The following TFAP4 variants were observed in gnomAD, a reference collection of about 807,000 sequenced individuals.
TFAP4 encodes the protein activating enhancer-binding protein 4.
TFAP4 carries 7 observed loss-of-function variants against 40.4 expected under a neutral mutation model. The observed-to-expected ratio is 0.17, with a 90% CI of 0.10 to 0.33. The LOEUF (loss-of-function observed/expected upper bound fraction) is 0.33, where lower values mean the gene tolerates loss of function less well. Ranked by LOEUF, TFAP4 falls within the 10% of genes least tolerant of loss-of-function variation. TFAP4 has a pLI of 1.00. For missense variants in TFAP4, 374 were observed against 451.1 expected (o/e 0.83, Z 1.55); for synonymous variants, 218 against 181.4 (o/e 1.20, Z -1.62).
intron 1 of TFAP4, chr16:4,266,676 C>G (rs118160344): frequency 6.6e-6 from 1 of 152,204 alleles, no homozygotes; most frequent in African/African-American, 2.4e-5. Context: ...CCAGGTGATA[C>G]TGCACTGAAT....
chr16:4,271,890 A>C (rs1180634089), intron 1 of TFAP4, among the ~76,000 whole-genome samples: 1 of 152,100 alleles, frequency 6.6e-6, no homozygotes, highest in African/African-American at 2.4e-5. Flanking sequence ...AAATCCCACA[A>C]TGCTGCACCA....
intron 1 of TFAP4, among the ~76,000 whole-genome samples, chr16:4,269,984 C>T (rs551412526): frequency 5.1e-4 from 78 of 152,154 alleles, no homozygotes; most frequent in African/African-American, 1.8e-3. Flanking sequence ...GGTTCGAGAC[C>T]AGCCTGGCCA....
intron 1 of TFAP4, among the ~76,000 whole-genome samples, chr16:4,270,872 C>A (rs1007563626): frequency 6.6e-6 from 1 of 152,200 alleles, no homozygotes; most frequent in Non-Finnish European, 1.5e-5. Flanking sequence ...GCAGCAGCAA[C>A]CCCAGGACAA....
At chr16:4,271,691 CA>C (rs2053041932) in intron 1 of TFAP4, among the ~76,000 whole-genome samples, 1 of 152,140 alleles carries the variant, frequency 6.6e-6, no homozygotes, top group Non-Finnish European at 1.5e-5. Context: ...CGGTTTACGG[CA>C]GGGGGGAGGG....
chr16:4,259,756 A>G (rs957935829), intron 6 of TFAP4, among the ~76,000 whole-genome samples: 2 of 152,110 alleles, frequency 1.3e-5, no homozygotes, highest in African/African-American at 4.8e-5. Flanking sequence ...AGCTGAGACA[A>G]TGTTCCGGAC....
intron 4 of TFAP4, 28 bp from the exon 5 acceptor site, chr16:4,260,623 G>A: frequency 1.3e-6 from 2 of 1,564,314 alleles, no homozygotes; most frequent in Non-Finnish European, 8.6e-7. Context: ...TGGGCTCAGG[G>A]CCAAGGCCGG....
At chr16:4,269,442 G>A (rs369979966) in intron 1 of TFAP4, among the ~76,000 whole-genome samples, 10 of 142,440 alleles carry the variant, frequency 7.0e-5, no homozygotes, top group South Asian at 2.2e-4. Context: ...GCAGTGAGCC[G>A]AGATTGCACC....
At position 4,260,219 on chromosome 16, in the gene TFAP4, G is replaced by C. The variant is rs147586338; in HGVS notation, c.693C>G (p.His231Gln). Residue 231 changes from histidine (H) to glutamine (Q), a missense_variant, in exon 6 of 7, where the codon CAC (histidine) becomes CAG (glutamine). Physicochemically the swap from His to Gln is conservative, Grantham distance 24. This residue lies in a region of TFAP4 where 161 missense variants were observed against 154.2 expected (regional missense o/e 1.04). Coordinates refer to ENST00000204517, the MANE Select transcript of TFAP4 (RefSeq NM_003223.3). ...GTGCTGGCACGATCACCGTGGGGTGGTGGGTGGGGGCCGGAGGGGGCAGAA... is the reference window on the plus strand; with the variant it reads ...GTGCTGGCACGATCACCGTGGGGTGCTGGGTGGGGGCCGGAGGGGGCAGAA... ...TQLLPPPAPT[H>Q]HPTVIVPAPP... 1.9e-6 allele frequency: 3 copies of C among 1,550,258 alleles called. No homozygotes were observed. Among genetic ancestry groups the C allele is most frequent in the Admixed American group, 2.1e-5 (1 of 48,102 alleles).
intron 2 of TFAP4, 25 bp downstream of exon 2, chr16:4,262,510 AG>A: frequency 6.2e-7 from 1 of 1,612,866 alleles, no homozygotes; most frequent in African/African-American, 1.3e-5. Flanking sequence ...CGGCTCCTCC[AG>A]GAAGCCCTCC....
Position 4,267,363 on chromosome 16 carries a change from C to T in TFAP4, c.90-4662G>A, listed in dbSNP as rs185912358. On this transcript the variant is annotated intron_variant, in intron 1 of 6. Coordinates refer to ENST00000204517, the MANE Select transcript of TFAP4 (RefSeq NM_003223.3). ...CAAGGCTCTCTTGCTTCTTGCAAGC[C>T]AGCCTCCTGGGTCCAAACAGGGGCT... Among the ~76,000 whole-genome samples the T allele has an allele frequency of 1.2e-4, 18 of 152,328 alleles. No homozygotes were observed. In the East Asian group the frequency reaches 3.5e-3, roughly 29 times the overall value.
In TFAP4 at chr16:4,262,342, C is replaced by T. The variant is rs774964786; in HGVS notation, c.336G>A (p.Gln112=). The change falls in exon 3 of 7, where the codon CAG becomes CAA. Residue 112 remains glutamine (Q), a synonymous_variant. Transcript: ENST00000204517. ...EKTRLLQQNT[Q]LKRFIQELSG... The stretch of plus-strand genomic sequence containing the variant: ...GGCGCACCTGGATGAAGCGCTTGAG[C>T]TGTGTGTTCTGCTGCAAGAGCCTGG... 1 of 1,614,222 alleles carries T rather than the reference C, an allele frequency of 6.2e-7. No individual in the cohort carries two copies. The highest frequency in any genetic ancestry group is 8.5e-7 in the Non-Finnish European group (1 of 1,180,044).
chr16:4,261,020 G>C (rs1304960734), intron 4 of TFAP4, among the ~76,000 whole-genome samples: 3 of 152,186 alleles, frequency 2.0e-5, no homozygotes, highest in African/African-American at 7.2e-5. Context: ...TCAGGCTGCA[G>C]TGTAGTGGCA....
At position 4,260,147 on chromosome 16, in the gene TFAP4, G is replaced by A; in HGVS notation, c.765C>T (p.Pro255=). The A allele has an allele frequency of 6.2e-7, 1 of 1,609,718 alleles. No individual in the cohort carries two copies. Among genetic ancestry groups the A allele is most frequent in the Non-Finnish European group, 8.5e-7 (1 of 1,178,570 alleles). ...SHHINVVTMG[P]SSVINSVSTS... The stretch of plus-strand genomic sequence containing the variant: ...TGGAAACAGAGTTGATGACCGAGGA[G>A]GGGCCCATGGTGACGACATTGATGT... The change falls in exon 6 of 7, where the codon CCC becomes CCT. Residue 255 remains proline (P), a synonymous_variant. Transcript: ENST00000204517.
Position 4,257,504 on chromosome 16 carries a change from G to A in TFAP4, c.*551C>T, listed in dbSNP as rs1432715379. ...GTGGCGAATTCTAGTGCCGAGATGG[G>A]GAAGGGGGAGGGGGGCACAGCAGCA... is the stretch of plus-strand genomic sequence containing the variant. On this transcript the variant is annotated 3_prime_UTR_variant, in exon 7 of 7. Transcript: ENST00000204517. The A allele has an allele frequency of 6.7e-6, 1 of 150,048 alleles. No homozygotes were observed. Among genetic ancestry groups the A allele is most frequent in the Non-Finnish European group, 1.5e-5 (1 of 67,352 alleles). 9.3% of individuals were successfully genotyped at this position (150,048 alleles called of 1,614,324 possible).
intron 3 of TFAP4, 25 bp downstream of exon 3, chr16:4,262,299 G>C (rs891812390): frequency 6.2e-7 from 1 of 1,612,192 alleles, no homozygotes; most frequent in Non-Finnish European, 8.5e-7. Flanking sequence ...GCCAGGGAGA[G>C]GGAGCCATGA....
At position 4,257,922 on chromosome 16, in the gene TFAP4, A is replaced by G. The variant is rs2052909921; in HGVS notation, c.*133T>C. On this transcript the variant is annotated 3_prime_UTR_variant, in exon 7 of 7. Transcript: ENST00000204517. Reference sequence around the variant, plus strand: ...TCAAAGGTCGATTTACAGTATTGAAAAAGAGGTCATAAAAGAGACCCAAAT... The same window carrying G: ...TCAAAGGTCGATTTACAGTATTGAAGAAGAGGTCATAAAAGAGACCCAAAT... 1 of 878,570 alleles carries G rather than the reference A, an allele frequency of 1.1e-6. No individual in the cohort carries two copies. The highest frequency in any genetic ancestry group is 1.7e-6 in the Non-Finnish European group (1 of 589,062). 54.4% of individuals were successfully genotyped at this position (878,570 alleles called of 1,614,324 possible).
rs1211751015 is a variant in TFAP4 at position 4,257,555 on chromosome 16, A to C, written c.*500T>G. On this transcript the variant is annotated 3_prime_UTR_variant, in exon 7 of 7. Coordinates refer to ENST00000204517, the MANE Select transcript of TFAP4 (RefSeq NM_003223.3). Reference sequence around the variant, plus strand: ...GCAAACCCCAACCAAGAAGCAACGGAGACCTCCGGGCCCCCAGAATGCCCC... The same window carrying C: ...GCAAACCCCAACCAAGAAGCAACGGCGACCTCCGGGCCCCCAGAATGCCCC... 6.5e-6 allele frequency: 1 copy of C among 153,240 alleles called. No individual in the cohort carries two copies. The highest frequency in any genetic ancestry group is 1.9e-4 in the East Asian group (1 of 5,150). 9.5% of individuals were successfully genotyped at this position (153,240 alleles called of 1,614,324 possible). A position where few individuals can be genotyped will look rare whatever the true frequency, so the allele number is the denominator to read the frequency against.
intron 1 of TFAP4, chr16:4,265,866 C>T (rs2052990788): frequency 6.6e-6 from 1 of 152,280 alleles, no homozygotes; most frequent in South Asian, 2.1e-4. Context: ...CCTCTACTGA[C>T]TGCTAGTTCA....
chr16:4,270,761 C>T (rs1320851937), intron 1 of TFAP4, among the ~76,000 whole-genome samples: 1 of 152,224 alleles, frequency 6.6e-6, no homozygotes, highest in Non-Finnish European at 1.5e-5. Context: ...GCATGGCAGC[C>T]AGAGGGCCCC....
Sources: gnomAD v4.1 joint callset for allele counts (sites outside exome capture counted in the v4.1 genomes callset) on GRCh38, gnomAD v4.1.1 for gene constraint, gnomAD v4.1.1 regional missense constraint, MANE v1.5 for transcripts, NCBI Gene and HGNC (gene_info 2026-07-23, HGNC 2026-07-21) for gene names.